Variants in RELN observed in about 807,000 individuals in gnomAD.
RELN encodes reelin.
A neutral mutation model predicts 427.6 loss-of-function variants in RELN; 108 were observed. The observed-to-expected ratio is 0.25, with a 90% CI of 0.22 to 0.30. The LOEUF is 0.30. Among genes scored for constraint, RELN ranks in the 10% least tolerant of loss-of-function variants. RELN has a pLI of 1.00. For synonymous variants in RELN, 1,524 were observed against 1,513.4 expected (o/e 1.01, Z -0.16); for missense variants, 3,715 against 4,302.8 (o/e 0.86, Z 3.82).
intron 2 of RELN, among the ~76,000 whole-genome samples, chr7:103,873,013 C>T (rs1221198062): frequency 2.0e-5 from 3 of 151,848 alleles, no homozygotes; most frequent in African/African-American, 7.3e-5. Context: ...ATCTCTCAGA[C>T]CACAGTGCAA....
chr7:103,862,143 G>A lies in RELN; in HGVS notation c.338-28471C>T, dbSNP rs562044162. 1.2e-4 allele frequency among the ~76,000 whole-genome samples: 18 copies of A among 152,164 alleles called. No individual in the cohort carries two copies. In the South Asian group the frequency reaches 3.3e-3, roughly 28 times the overall value. On this transcript the variant is annotated intron_variant, in intron 2 of 64. Transcript: ENST00000428762. ...ATCCGAGGAGAGTGAAATAAAACAAGTATAAATTTTCTAATTAAAGAAGGA... is the reference window on the plus strand; with the variant it reads ...ATCCGAGGAGAGTGAAATAAAACAAATATAAATTTTCTAATTAAAGAAGGA...
At chr7:103,700,626 G>T (rs1160460915) in intron 9 of RELN, among the ~76,000 whole-genome samples, 4 of 152,150 alleles carry the variant, frequency 2.6e-5, no homozygotes, top group African/African-American at 9.6e-5. Context: ...TTATTTTGTG[G>T]AGAATGCTAT....
At position 103,652,616 on chromosome 7, in the gene RELN, A is replaced by G; in HGVS notation, c.1698T>C (p.Ser566=). 1 of 1,612,962 alleles carries G rather than the reference A, an allele frequency of 6.2e-7. No homozygotes were observed. Among genetic ancestry groups the G allele is most frequent in the Non-Finnish European group, 8.5e-7 (1 of 1,179,296 alleles). The change falls in exon 14 of 65, where the codon TCT becomes TCC. Residue 566 remains serine (S), a synonymous_variant. Coordinates refer to ENST00000428762, the MANE Select transcript of RELN (RefSeq NM_005045.4). ...AAAACTGTATCATGTGAGACATTGT[A>G]GAAGGGAGAACAGGCAAGACATGGA... is the stretch of plus-strand genomic sequence containing the variant. The part of the protein sequence containing the change: ...DFFHVLPVLP[S]TMSHMIQFSI...
intron 2 of RELN, among the ~76,000 whole-genome samples, chr7:103,841,539 C>T (rs976628435): frequency 2.6e-5 from 4 of 152,128 alleles, no homozygotes; most frequent in African/African-American, 9.7e-5. Context: ...ACATACATTT[C>T]TGTTCCTTCC....
chr7:103,649,451 G>C (rs1471797551), intron 16 of RELN, among the ~76,000 whole-genome samples: 3 of 151,930 alleles, frequency 2.0e-5, no homozygotes, highest in African/African-American at 7.2e-5. Context: ...TGGAAGGGGG[G>C]TGAGGGATGA....
chr7:103,606,514 C>G (rs1831823629), intron 22 of RELN, among the ~76,000 whole-genome samples: 1 of 152,096 alleles, frequency 6.6e-6, no homozygotes, highest in South Asian at 2.1e-4. Flanking sequence ...AAACTAATTT[C>G]TAAGATCCCT....
intron 2 of RELN, among the ~76,000 whole-genome samples, chr7:103,895,358 T>A (rs1422937957): frequency 6.6e-6 from 1 of 152,080 alleles, no homozygotes; most frequent in Non-Finnish European, 1.5e-5. Context: ...GGGGGCCCAT[T>A]AAAATTTCCC....
chr7:103,835,954 C>CTTTTTTT lies in RELN; in HGVS notation c.338-2289_338-2283dup, dbSNP rs10569884. On this transcript the variant is annotated intron_variant, in intron 2 of 64. Coordinates refer to ENST00000428762, the MANE Select transcript of RELN (RefSeq NM_005045.4). The stretch of plus-strand genomic sequence containing the variant: ...TCTCTTTACAAAACTCTCAATTACC[C>CTTTTTTT]TTTTTTTTTTTTTTTTTTATAGGCG... Among the ~76,000 whole-genome samples the CTTTTTTT allele has an allele frequency of 4.9e-5, 7 of 142,394 alleles. 2 individuals carry two copies. Among genetic ancestry groups the CTTTTTTT allele is most frequent in the African/African-American group, 5.2e-5 (2 of 38,484 alleles). The allele number at this position is 142,394 out of a possible 152,430, so 93.4% of individuals were successfully genotyped here.
intron 8 of RELN, among the ~76,000 whole-genome samples, chr7:103,707,003 C>T (rs1834217162): frequency 6.6e-6 from 1 of 152,156 alleles, no homozygotes; most frequent in South Asian, 2.1e-4. Context: ...AGACAGGGGT[C>T]TCACTGTGTT....
chr7:103,809,566 A>C (rs1184081829), intron 3 of RELN, among the ~76,000 whole-genome samples: 3 of 152,190 alleles, frequency 2.0e-5, no homozygotes, highest in Non-Finnish European at 4.4e-5. Context: ...AATGCTTAGA[A>C]AACAAAGCAA....
At chr7:103,623,164 C>T (rs1424062342) in intron 20 of RELN, among the ~76,000 whole-genome samples, 2 of 152,166 alleles carry the variant, frequency 1.3e-5, no homozygotes, top group African/African-American at 4.8e-5. Flanking sequence ...TTCCATTTGC[C>T]ACTCAATGTA....
In RELN at chr7:103,630,860, GT is replaced by G. The variant is rs1224190919; in HGVS notation, c.2466-685del. ...GCTGAGTTATTTTTTTGTTTTTTTT[GT>G]TTTTTTTTTTTTTGTTTTTTAACTA... On this transcript the variant is annotated intron_variant, in intron 19 of 64. Transcript: ENST00000428762. Among the ~76,000 whole-genome samples, 1,093 of 134,460 alleles carry G rather than the reference GT, an allele frequency of 8.1e-3. 10 individuals carry two copies. Among genetic ancestry groups the G allele is most frequent in the African/African-American group, 0.027 (954 of 35,104 alleles). 88.2% of individuals were successfully genotyped at this position (134,460 alleles called of 152,430 possible). A position where few individuals can be genotyped will look rare whatever the true frequency, so the allele number is the denominator to read the frequency against.
intron 31 of RELN, among the ~76,000 whole-genome samples, chr7:103,571,023 G>A (rs934596522): frequency 1.3e-5 from 2 of 152,100 alleles, no homozygotes; most frequent in Non-Finnish European, 2.9e-5. Context: ...CTTCTATACT[G>A]CTTCAGTAAA....
intron 2 of RELN, among the ~76,000 whole-genome samples, chr7:103,885,717 T>C (rs185667458): frequency 1.1e-4 from 17 of 152,092 alleles, no homozygotes; most frequent in Non-Finnish European, 2.4e-4. Context: ...TGCACATGTA[T>C]CCCAGAACTT....
chr7:103,721,211 C>G (rs1196339609), intron 8 of RELN, among the ~76,000 whole-genome samples: 2 of 151,310 alleles, frequency 1.3e-5, no homozygotes, highest in African/African-American at 4.9e-5. Context: ...TCCCTCTTTC[C>G]TTCCTCCTTC....
intron 19 of RELN, among the ~76,000 whole-genome samples, chr7:103,633,029 A>G (rs1319986943): frequency 6.6e-6 from 1 of 152,172 alleles, no homozygotes. Flanking sequence ...TTAGTTCACA[A>G]GACATTCTAG....
intron 31 of RELN, among the ~76,000 whole-genome samples, chr7:103,566,964 G>GAAGGAAAA (rs57714347): frequency 1.3e-5 from 2 of 151,294 alleles, no homozygotes; most frequent in East Asian, 3.9e-4. Context: ...CCCAGGAAAT[G>GAAGGAAAA]AAATACATAA....
chr7:103,771,500 G>A (rs1791568204), intron 4 of RELN, among the ~76,000 whole-genome samples: 1 of 152,150 alleles, frequency 6.6e-6, no homozygotes, highest in Admixed American at 6.5e-5. Context: ...GTCCTTGGCT[G>A]TCCCAGCCAG....
At chr7:103,566,835 G>C (rs1830765010) in intron 31 of RELN, 76 bp from the exon 32 acceptor site, 1 of 1,412,410 alleles carries the variant, frequency 7.1e-7, no homozygotes, top group Admixed American at 1.7e-5. Flanking sequence ...TAAATGGTGA[G>C]ACTGCAGCAA....
Sources: gnomAD v4.1 joint callset for allele counts (sites outside exome capture counted in the v4.1 genomes callset) on GRCh38, gnomAD v4.1.1 for gene constraint, MANE v1.5 for transcripts, NCBI Gene and HGNC (gene_info 2026-07-23, HGNC 2026-07-21) for gene names.